Variants in SLC15A5 observed in about 807,000 individuals in gnomAD.
SLC15A5 encodes the protein solute carrier family 15 member 5, also known as Peptide/histidine transporter ENSP00000340402.
SLC15A5 carries 58 observed loss-of-function variants against 56.1 expected under a neutral mutation model. The ratio of observed to expected loss-of-function variants is 1.03; its 90% confidence interval spans 0.84 to 1.29. SLC15A5 has a LOEUF of 1.29. Ranked by LOEUF, SLC15A5 falls within the 50% of genes most tolerant of loss-of-function variation. The pLI is 0.00. For synonymous variants in SLC15A5, 264 were observed against 250.5 expected, an observed-to-expected ratio of 1.05 and a Z score of -0.51; for missense variants, 681 against 672.1, an observed-to-expected ratio of 1.01 and a Z score of -0.15.
intron 7 of SLC15A5, among the ~76,000 whole-genome samples, chr12:16,204,822 T>C (rs1417710095): frequency 1.3e-5 from 2 of 152,128 alleles, no homozygotes; most frequent in Non-Finnish European, 2.9e-5. Flanking sequence ...AAGTATTTTC[T>C]TTAATAAAAC....
chr12:16,234,192 C>T (rs1455603043), intron 5 of SLC15A5, among the ~76,000 whole-genome samples: 1 of 152,080 alleles, frequency 6.6e-6, no homozygotes, highest in East Asian at 1.9e-4. Context: ...TCTATCAAGA[C>T]CTTTTATAAG....
At chr12:16,241,497 T>C (rs1053914414) in intron 4 of SLC15A5, among the ~76,000 whole-genome samples, 3 of 152,222 alleles carry the variant, frequency 2.0e-5, no homozygotes, top group African/African-American at 7.2e-5. Context: ...TGAGATTCTT[T>C]CTGTAGACAA....
chr12:16,248,949 C>A (rs545453892), intron 3 of SLC15A5, among the ~76,000 whole-genome samples: 10 of 152,148 alleles, frequency 6.6e-5, no homozygotes, highest in African/African-American at 2.4e-4. Context: ...TGTTTTATTG[C>A]AAAACTTAAA....
intron 3 of SLC15A5, among the ~76,000 whole-genome samples, chr12:16,254,357 A>T (rs1445461883): frequency 6.6e-6 from 1 of 152,112 alleles, no homozygotes; most frequent in Admixed American, 6.6e-5. Context: ...TTTAGTGGGT[A>T]TACAGCTTTA....
intron 5 of SLC15A5, among the ~76,000 whole-genome samples, chr12:16,234,932 G>GT (rs1399864931): frequency 6.6e-6 from 1 of 152,062 alleles, no homozygotes; most frequent in Admixed American, 6.6e-5. Context: ...GTAGTGTGAT[G>GT]TTTGAGTTTC....
At chr12:16,248,515 T>A (rs1267583334) in intron 3 of SLC15A5, among the ~76,000 whole-genome samples, 1 of 152,080 alleles carries the variant, frequency 6.6e-6, no homozygotes, top group Non-Finnish European at 1.5e-5. Flanking sequence ...TCAACTGGAC[T>A]GAGAGAGACC....
chr12:16,270,979 T>C (rs1220839963), intron 2 of SLC15A5, among the ~76,000 whole-genome samples: 1 of 152,228 alleles, frequency 6.6e-6, no homozygotes, highest in East Asian at 1.9e-4. Flanking sequence ...CCTGATTCTT[T>C]ATACACATTT....
rs1447439485 is a variant in SLC15A5, at chr12:16,277,506, G to A, written c.180C>T (p.Val60=). 24 of 1,536,454 alleles carry A rather than the reference G, an allele frequency of 1.6e-5. No homozygotes were observed. The Admixed American group carries it at 1.8e-4, about 11-fold the overall frequency. Reference sequence around the variant, plus strand: ...TGCAAAAGGGGATCATGTTGCAGACGACTTCAAAGAACGTGAACCTCTCAC... The same window carrying A: ...TGCAAAAGGGGATCATGTTGCAGACAACTTCAAAGAACGTGAACCTCTCAC... ...ELCERFTFFE[V]VCNMIPFCTI... Residue 60 remains valine, a synonymous_variant, in exon 1 of 9, where the codon GTC becomes GTT. Transcript: ENST00000344941.
chr12:16,228,842 T>G (rs954996321), intron 5 of SLC15A5, among the ~76,000 whole-genome samples: 1 of 152,120 alleles, frequency 6.6e-6, no homozygotes, highest in African/African-American at 2.4e-5. Flanking sequence ...GTATATTGAT[T>G]GTTTATGTTA....
chr12:16,189,733 G>A lies in SLC15A5; in HGVS notation c.1675C>T (p.Leu559=), dbSNP rs772299673. 1 of 1,530,522 alleles carries A rather than the reference G, an allele frequency of 6.5e-7. No individual in the cohort carries two copies. Among genetic ancestry groups the A allele is most frequent in the Non-Finnish European group, 8.7e-7 (1 of 1,143,426 alleles). The allele number at this position is 1,530,522 out of a possible 1,614,324, so 94.8% of individuals were successfully genotyped here. A position where few individuals can be genotyped will look rare whatever the true frequency, so the allele number is the denominator to read the frequency against. The change falls in exon 9 of 9, where the codon CTG becomes TTG. Residue 559 remains leucine, a synonymous_variant. Coordinates refer to ENST00000344941, the MANE Select transcript of SLC15A5 (RefSeq NM_001170798.1). ...TCCTGTATACTGCCATAAAATTTCA[G>A]AGATTTTTCGTGGAGGAGAAGTGTT... The part of the protein sequence containing the change: ...EETLLLHEKS[L]KFYGSIQEFS...
chr12:16,254,433 A>G (rs928627023), intron 3 of SLC15A5, among the ~76,000 whole-genome samples: 1 of 152,176 alleles, frequency 6.6e-6, no homozygotes, highest in Non-Finnish European at 1.5e-5. Context: ...ACTTAACACT[A>G]CTGAACTGTA....
Position 16,277,474 on chromosome 12 carries a change from T to C in SLC15A5, c.212A>G (p.Lys71Arg). ...TGCTTGGCAATTGTGATAGCCAAGC[T>C]TGATAGTGCAAAAGGGGATCATGTT... is the stretch of plus-strand genomic sequence containing the variant. Reference protein sequence around the residue: ...VCNMIPFCTIKLGYHNCQAAI... With the variant: ...VCNMIPFCTIRLGYHNCQAAI... Residue 71 changes from lysine to arginine, a missense_variant, in exon 1 of 9, where the codon AAG (lysine) becomes AGG (arginine). Transcript: ENST00000344941. The C allele has an allele frequency of 2.6e-6, 4 of 1,536,536 alleles. No homozygotes were observed. Among genetic ancestry groups the C allele is most frequent in the Non-Finnish European group, 3.5e-6 (4 of 1,146,432 alleles).
chr12:16,222,863 C>T (rs1864201199), intron 6 of SLC15A5, among the ~76,000 whole-genome samples: 1 of 152,192 alleles, frequency 6.6e-6, no homozygotes, highest in Non-Finnish European at 1.5e-5. Flanking sequence ...ACTTCCAACA[C>T]ATTTTTGGGA....
At chr12:16,250,374 C>T (rs2136797668) in intron 3 of SLC15A5, among the ~76,000 whole-genome samples, 1 of 152,052 alleles carries the variant, frequency 6.6e-6, no homozygotes, top group East Asian at 1.9e-4. Context: ...GCAAAAGGTG[C>T]CCTTCCCACC....
chr12:16,206,589 C>T (rs1289219347), intron 7 of SLC15A5, among the ~76,000 whole-genome samples: 1 of 152,146 alleles, frequency 6.6e-6, no homozygotes, highest in Non-Finnish European at 1.5e-5. Flanking sequence ...GAAACAAAGG[C>T]ACAGAGCAGC....
intron 7 of SLC15A5, among the ~76,000 whole-genome samples, chr12:16,204,382 G>A (rs1047808370): frequency 3.3e-5 from 5 of 151,538 alleles, no homozygotes; most frequent in Admixed American, 6.6e-5. Context: ...GCTTGAACCC[G>A]GGAGGCAGAG....
intron 2 of SLC15A5, among the ~76,000 whole-genome samples, chr12:16,261,512 A>G (rs1040654144): frequency 6.6e-6 from 1 of 152,172 alleles, no homozygotes; most frequent in African/African-American, 2.4e-5. Flanking sequence ...GCTTATTGCT[A>G]TTACAAATAA....
At position 16,194,335 on chromosome 12, in the gene SLC15A5, A is replaced by G; in HGVS notation, c.1592+10T>C. The G allele has an allele frequency of 6.6e-7, 1 of 1,509,238 alleles. No homozygotes were observed. The highest frequency in any genetic ancestry group is 1.4e-5 in the African/African-American group (1 of 72,388). The allele number at this position is 1,509,238 out of a possible 1,614,324, so 93.5% of individuals were successfully genotyped here. On this transcript the variant is annotated intron_variant, in intron 8 of 8. Transcript: ENST00000344941. ...TCAGAAATTTTTCATCTTACCACACACTTACTTACCTTTGTGAAACACTGC... is the reference window on the plus strand; with the variant it reads ...TCAGAAATTTTTCATCTTACCACACGCTTACTTACCTTTGTGAAACACTGC...
intron 6 of SLC15A5, among the ~76,000 whole-genome samples, chr12:16,223,191 G>T (rs1033988490): frequency 2.0e-5 from 3 of 151,996 alleles, no homozygotes; most frequent in Non-Finnish European, 4.4e-5. Flanking sequence ...TAAGATAATA[G>T]AATCATTGAA....
Sources: gnomAD v4.1 joint callset for allele counts (sites outside exome capture counted in the v4.1 genomes callset) on GRCh38, gnomAD v4.1.1 for gene constraint, MANE v1.5 for transcripts, NCBI Gene and HGNC (gene_info 2026-07-23, HGNC 2026-07-21) for gene names.